AKAP19: variants seen among roughly 807,000 people sequenced by gnomAD.
AKAP19 encodes A-kinase anchoring protein 19.
the AKAP19 span, among the ~76,000 whole-genome samples, chr2:190,038,901 T>TTTCTTTCTTTCTTTCTTTC: frequency 8.7e-5 from 4 of 45,998 alleles, no homozygotes; most frequent in African/African-American, 2.9e-4. Context: ...TCTTTCTTTC[T>TTTCTTTCTTTCTTTCTTTC]TTCTTCTTCT....
chr2:190,198,658 T>C, the AKAP19 span, among the ~76,000 whole-genome samples: 1 of 133,536 alleles, frequency 7.5e-6, no homozygotes, highest in African/African-American at 2.8e-5. Flanking sequence ...AAAAAAAAGG[T>C]GTTTTCAGAA....
At chr2:190,004,558 A>C in the AKAP19 span, among the ~76,000 whole-genome samples, 48 of 151,702 alleles carry the variant, frequency 3.2e-4, no homozygotes, top group East Asian at 9.2e-3. Context: ...TTGTGTCAAC[A>C]AATATTTTTC....
chr2:189,885,406 T>C, the AKAP19 span, among the ~76,000 whole-genome samples: 12,845 of 152,248 alleles, frequency 0.084, 947 homozygotes, highest in African/African-American at 0.2. Context: ...ATTTGACTAG[T>C]TCCCAGTTGT....
the AKAP19 span, among the ~76,000 whole-genome samples, chr2:189,895,531 T>C: frequency 6.6e-6 from 1 of 152,176 alleles, no homozygotes; most frequent in African/African-American, 2.4e-5. Context: ...ATATTTGTAT[T>C]TTTGAATAAA....
chr2:190,140,877 G>A, the AKAP19 span, among the ~76,000 whole-genome samples: 1 of 152,138 alleles, frequency 6.6e-6, no homozygotes, highest in African/African-American at 2.4e-5. Context: ...TTGTCAGGCT[G>A]CAAATTTTCC....
the AKAP19 span, among the ~76,000 whole-genome samples, chr2:189,907,357 A>G: frequency 1.3e-5 from 2 of 152,124 alleles, no homozygotes; most frequent in East Asian, 3.9e-4. Context: ...TTTCTTTTCC[A>G]GTTGCTATTC....
the AKAP19 span, among the ~76,000 whole-genome samples, chr2:190,009,581 T>C: frequency 6.6e-6 from 1 of 152,204 alleles, no homozygotes; most frequent in Admixed American, 6.5e-5. Context: ...ATTAGGAATT[T>C]GATTATGGAT....
At chr2:190,028,197 A>G in the AKAP19 span, among the ~76,000 whole-genome samples, 1 of 152,250 alleles carries the variant, frequency 6.6e-6, no homozygotes, top group African/African-American at 2.4e-5. Context: ...TAAACATAAA[A>G]GGATGTTTGT....
chr2:189,911,888 GTTTT>G, the AKAP19 span, among the ~76,000 whole-genome samples: 1 of 149,814 alleles, frequency 6.7e-6, no homozygotes, highest in African/African-American at 2.4e-5. Context: ...TCTACTCCTA[GTTTT>G]TTTTTCTATA....
chr2:190,136,685 C>T, the AKAP19 span, among the ~76,000 whole-genome samples: 1 of 152,048 alleles, frequency 6.6e-6, no homozygotes, highest in African/African-American at 2.4e-5. Context: ...TGTTTCTTTA[C>T]CTATAGTTTC....
At chr2:189,939,772 G>T in the AKAP19 span, among the ~76,000 whole-genome samples, 23,407 of 152,202 alleles carry the variant, frequency 0.15, 1,886 homozygotes, top group Middle Eastern at 0.25. Flanking sequence ...TAGTTGAACT[G>T]CAAAATTCAC....
At chr2:190,190,273 A>G in the AKAP19 span, among the ~76,000 whole-genome samples, 2 of 152,192 alleles carry the variant, frequency 1.3e-5, no homozygotes, top group African/African-American at 4.8e-5. Flanking sequence ...ATTTCTATTC[A>G]TAGGGTCACT....
chr2:190,123,907 G>A, the AKAP19 span, among the ~76,000 whole-genome samples: 1 of 152,178 alleles, frequency 6.6e-6, no homozygotes, highest in Non-Finnish European at 1.5e-5. Flanking sequence ...AAACAGAAAT[G>A]ATGGATGTAT....
chr2:189,932,106 T>C, the AKAP19 span, among the ~76,000 whole-genome samples: 3 of 152,184 alleles, frequency 2.0e-5, no homozygotes, highest in Non-Finnish European at 2.9e-5. Flanking sequence ...GATTAACAGA[T>C]GATCATCTTT....
the AKAP19 span, among the ~76,000 whole-genome samples, chr2:189,940,387 A>G: frequency 6.6e-6 from 1 of 151,844 alleles, no homozygotes; most frequent in East Asian, 1.9e-4. Context: ...CGGAGCTTGC[A>G]GTGAGCTGAG....
chr2:190,135,287 G>A, the AKAP19 span, among the ~76,000 whole-genome samples: 1 of 152,132 alleles, frequency 6.6e-6, no homozygotes, highest in Admixed American at 6.5e-5. Flanking sequence ...CTTTGTTCTT[G>A]CTACTTAAGG....
At chr2:190,030,955 A>C in the AKAP19 span, among the ~76,000 whole-genome samples, 19 of 152,192 alleles carry the variant, frequency 1.2e-4, no homozygotes, top group Admixed American at 9.2e-4. Context: ...GTGATGGACT[A>C]GATTTAGAGA....
chr2:190,036,126 T>A, the AKAP19 span, among the ~76,000 whole-genome samples: 1 of 152,208 alleles, frequency 6.6e-6, no homozygotes, highest in Admixed American at 6.6e-5. Context: ...TACTAATAAA[T>A]CTTTGATTTA....
the AKAP19 span, among the ~76,000 whole-genome samples, chr2:189,977,493 A>C: frequency 2.6e-5 from 4 of 152,214 alleles, no homozygotes; most frequent in African/African-American, 9.6e-5. Flanking sequence ...CTGATATTAC[A>C]ATTTCAAATA....
Sources: allele counts gnomAD v4.1 joint callset (sites outside exome capture counted in the v4.1 genomes callset), GRCh38; gene constraint gnomAD v4.1.1; transcripts MANE v1.5; gene names NCBI Gene and HGNC (gene_info 2026-07-23, HGNC 2026-07-21).